FRMD5: variants seen among roughly 807,000 people sequenced by gnomAD.
FRMD5 encodes FERM domain containing 5.
FRMD5 carries 20 observed loss-of-function variants against 69.0 expected under a neutral mutation model. The observed-to-expected ratio is 0.29, with a 90% CI of 0.20 to 0.42. FRMD5 has a LOEUF of 0.42. Ranked by LOEUF, FRMD5 falls within the 10% of genes least tolerant of loss-of-function variation. The pLI, the probability that FRMD5 is intolerant of heterozygous loss-of-function variation, is 1.00. For synonymous variants in FRMD5, 271 were observed against 260.1 expected (o/e 1.04, Z -0.40); for missense variants, 595 against 708.6 (o/e 0.84, Z 1.82).
At chr15:44,175,519 T>C (rs889355479) in intron 1 of FRMD5, among the ~76,000 whole-genome samples, 1 of 152,176 alleles carries the variant, frequency 6.6e-6, no homozygotes, top group African/African-American at 2.4e-5. Context: ...CTGGTGGGAA[T>C]GCAAAATGAT....
At chr15:43,993,699 T>C (rs910968731) in intron 1 of FRMD5, among the ~76,000 whole-genome samples, 1 of 152,198 alleles carries the variant, frequency 6.6e-6, no homozygotes, top group East Asian at 1.9e-4. Flanking sequence ...CCTACTATTA[T>C]TGTGTTGCGA....
At chr15:43,908,795 A>T (rs1012308435) in intron 5 of FRMD5, among the ~76,000 whole-genome samples, 4 of 152,182 alleles carry the variant, frequency 2.6e-5, no homozygotes, top group African/African-American at 9.7e-5. Context: ...ACTCTTACTT[A>T]TTAGCCTGTT....
At chr15:43,938,278 A>C (rs1304288961) in intron 1 of FRMD5, among the ~76,000 whole-genome samples, 1 of 152,072 alleles carries the variant, frequency 6.6e-6, no homozygotes, top group East Asian at 1.9e-4. Context: ...GCATTCTACA[A>C]ACATTATCTC....
Position 43,872,970 on chromosome 15 carries a change from C to G in FRMD5, c.*915G>C, listed in dbSNP as rs1157092224. The G allele has an allele frequency of 9.2e-6, 5 of 541,292 alleles. No homozygotes were observed. The Admixed American group carries it at 1.4e-4, about 15-fold the overall frequency. The allele number at this position is 541,292 out of a possible 1,614,324, so 33.5% of individuals were successfully genotyped here. On this transcript the variant is annotated 3_prime_UTR_variant, in exon 14 of 14. Coordinates refer to ENST00000417257, the MANE Select transcript of FRMD5 (RefSeq NM_032892.5). ...CTCAACAGTCTCTCAGGTAACTTAA[C>G]TCTGCTTTCTCTTAACTACACTTTG...
chr15:44,094,265 C>T (rs990879764), intron 1 of FRMD5, among the ~76,000 whole-genome samples: 1 of 152,154 alleles, frequency 6.6e-6, no homozygotes, highest in African/African-American at 2.4e-5. Context: ...GGCAGATATG[C>T]AAACAAAAGC....
At chr15:44,193,852 G>A (rs1431469887) in intron 1 of FRMD5, among the ~76,000 whole-genome samples, 1 of 152,236 alleles carries the variant, frequency 6.6e-6, no homozygotes, top group Non-Finnish European at 1.5e-5. Flanking sequence ...GGGGCAAGAA[G>A]ACACTGAGGG....
chr15:43,885,613 G>A (rs897798666), intron 11 of FRMD5, 68 bp downstream of exon 11: 14 of 1,313,928 alleles, frequency 1.1e-5, no homozygotes, highest in South Asian at 5.9e-5. Context: ...AAAGGATAAG[G>A]ACCACTGAGT....
intron 1 of FRMD5, chr15:43,989,413 G>C (rs1315930858): frequency 1.3e-6 from 1 of 786,058 alleles, no homozygotes. Flanking sequence ...GAGCGCCTCA[G>C]GGCAGCAGAA....
At chr15:43,949,766 T>C (rs2089998489) in intron 1 of FRMD5, among the ~76,000 whole-genome samples, 1 of 152,186 alleles carries the variant, frequency 6.6e-6, no homozygotes, top group Admixed American at 6.5e-5. Flanking sequence ...TTAGGAGTCC[T>C]AAATTGAATA....
chr15:44,186,575 G>A (rs1453731882), intron 1 of FRMD5, among the ~76,000 whole-genome samples: 2 of 152,282 alleles, frequency 1.3e-5, no homozygotes, highest in East Asian at 1.9e-4. Flanking sequence ...TAGGGCATGC[G>A]GGTTTGATGT....
chr15:44,098,131 AAAC>A (rs1043260304), intron 1 of FRMD5, among the ~76,000 whole-genome samples: 2 of 151,918 alleles, frequency 1.3e-5, no homozygotes, highest in African/African-American at 4.8e-5. Flanking sequence ...AAAAAAAACT[AAAC>A]AACAACAACA....
chr15:44,043,682 C>G lies in FRMD5; in HGVS notation c.103-119373G>C, dbSNP rs192516813. ...AAAAACAAGCAACAGGGAAAAGATTCCCTATTTAATAAATGGTGTTGGGAA... is the reference window on the plus strand; with the variant it reads ...AAAAACAAGCAACAGGGAAAAGATTGCCTATTTAATAAATGGTGTTGGGAA... On this transcript the variant is annotated intron_variant, in intron 1 of 13. Coordinates refer to ENST00000417257, the MANE Select transcript of FRMD5 (RefSeq NM_032892.5). 2.8e-4 allele frequency among the ~76,000 whole-genome samples: 43 copies of G among 152,208 alleles called. 1 individual carries two copies. The highest frequency in any genetic ancestry group is 1.0e-3 in the African/African-American group (43 of 41,518).
At chr15:43,905,769 C>T in intron 6 of FRMD5, 59 bp downstream of exon 6, 6 of 1,605,732 alleles carry the variant, frequency 3.7e-6, no homozygotes, top group Non-Finnish European at 4.3e-6. Context: ...GGCGTGGAGC[C>T]TGCGTGCTCA....
At chr15:44,004,687 C>G (rs1282323491) in intron 1 of FRMD5, among the ~76,000 whole-genome samples, 1 of 152,222 alleles carries the variant, frequency 6.6e-6, no homozygotes, top group Admixed American at 6.5e-5. Context: ...TCCCTATACC[C>G]TGAGACACAA....
intron 1 of FRMD5, among the ~76,000 whole-genome samples, chr15:44,095,649 A>G (rs1423141958): frequency 6.6e-6 from 1 of 152,038 alleles, no homozygotes; most frequent in East Asian, 1.9e-4. Flanking sequence ...CCTTCATTTA[A>G]TGTTCTGGCT....
At chr15:44,159,843 A>G (rs912956160) in intron 1 of FRMD5, among the ~76,000 whole-genome samples, 1 of 152,192 alleles carries the variant, frequency 6.6e-6, no homozygotes, top group African/African-American at 2.4e-5. Context: ...GCCATTTTTC[A>G]TACCTTTAAA....
intron 1 of FRMD5, among the ~76,000 whole-genome samples, chr15:44,111,440 T>C (rs2076794589): frequency 6.6e-6 from 1 of 152,224 alleles, no homozygotes; most frequent in Non-Finnish European, 1.5e-5. Context: ...CCGATCAATT[T>C]ATTTCTCTTG....
intron 1 of FRMD5, among the ~76,000 whole-genome samples, chr15:44,134,208 C>T (rs1026767193): frequency 1.3e-5 from 2 of 151,888 alleles, no homozygotes; most frequent in African/African-American, 4.8e-5. Context: ...CTCCTGAGCT[C>T]AAACTATCCT....
chr15:44,012,591 G>A (rs1477143767), intron 1 of FRMD5, among the ~76,000 whole-genome samples: 1 of 152,042 alleles, frequency 6.6e-6, no homozygotes, highest in Non-Finnish European at 1.5e-5. Flanking sequence ...GAACAGATAC[G>A]GTATTGAGAA....
Sources: gnomAD v4.1 joint callset for allele counts (sites outside exome capture counted in the v4.1 genomes callset) on GRCh38, gnomAD v4.1.1 for gene constraint, MANE v1.5 for transcripts, NCBI Gene and HGNC (gene_info 2026-07-23, HGNC 2026-07-21) for gene names.